Variants in FBXL17 observed in about 807,000 individuals in gnomAD.
FBXL17 encodes F-box and leucine rich repeat protein 17.
A neutral mutation model predicts 66.2 loss-of-function variants in FBXL17; 22 were observed. The ratio of observed to expected loss-of-function variants is 0.33; its 90% CI spans 0.24 to 0.47. The LOEUF (loss-of-function observed/expected upper bound fraction) is 0.47. FBXL17 is among the 20% of genes least tolerant of loss of function. FBXL17 has a pLI of 1.00. For synonymous variants in FBXL17, 474 were observed against 400.5 expected, an observed-to-expected ratio of 1.18 and a Z score of -2.19; for missense variants, 878 against 948.2, an observed-to-expected ratio of 0.93 and a Z score of 0.97.
chr5:108,184,874 G>A (rs987886635), intron 6 of FBXL17, among the ~76,000 whole-genome samples: 1 of 151,596 alleles, frequency 6.6e-6, no homozygotes, highest in African/African-American at 2.4e-5. Flanking sequence ...CTGAAATAGT[G>A]CTTTCTATTT....
At chr5:107,942,788 A>G (rs956286542) in intron 7 of FBXL17, among the ~76,000 whole-genome samples, 2 of 152,044 alleles carry the variant, frequency 1.3e-5, no homozygotes, top group African/African-American at 4.8e-5. Context: ...AAAAAAAAAA[A>G]AAAACCTATC....
intron 6 of FBXL17, among the ~76,000 whole-genome samples, chr5:108,065,914 G>A (rs997980994): frequency 6.6e-5 from 10 of 152,068 alleles, no homozygotes; most frequent in African/African-American, 1.4e-4. Context: ...ACATAGGAAA[G>A]CGATGGTTGT....
At chr5:108,064,263 C>T (rs1748033423) in intron 6 of FBXL17, among the ~76,000 whole-genome samples, 1 of 152,046 alleles carries the variant, frequency 6.6e-6, no homozygotes, top group Non-Finnish European at 1.5e-5. Flanking sequence ...TTTTCTGAGT[C>T]CATCAAGTTT....
chr5:108,348,650 G>T, intron 3 of FBXL17, 120 bp from the exon 4 acceptor site: 4 of 1,002,036 alleles, frequency 4.0e-6, no homozygotes, highest in Non-Finnish European at 5.8e-6. Context: ...TATGTTACTT[G>T]TAAAATAAGA....
At chr5:108,350,974 T>C (rs907496677) in intron 3 of FBXL17, among the ~76,000 whole-genome samples, 2 of 152,156 alleles carry the variant, frequency 1.3e-5, no homozygotes, top group Non-Finnish European at 2.9e-5. Flanking sequence ...ACTAATGCCA[T>C]CACACTTGTA....
rs530764547 is a variant in FBXL17, at chr5:108,334,869, G to A, written c.1506+13530C>T. ...CACGTTAATAGTAAATGAAACCACC[G>A]AAGTCTTACGCGGACCACGACTTAG... On this transcript the variant is annotated intron_variant, in intron 4 of 8. Transcript: ENST00000542267. 3.9e-5 allele frequency among the ~76,000 whole-genome samples: 6 copies of A among 152,250 alleles called. No individual in the cohort carries two copies. The East Asian group carries it at 9.7e-4, about 25-fold the overall frequency.
intron 6 of FBXL17, among the ~76,000 whole-genome samples, chr5:108,104,713 A>G (rs1749725513): frequency 6.6e-6 from 1 of 152,252 alleles, no homozygotes; most frequent in Non-Finnish European, 1.5e-5. Flanking sequence ...TTTGTGACAA[A>G]GCAAGTGCAC....
chr5:107,959,236 G>C (rs1751793355), intron 7 of FBXL17, among the ~76,000 whole-genome samples: 1 of 152,092 alleles, frequency 6.6e-6, no homozygotes, highest in Non-Finnish European at 1.5e-5. Context: ...CCTGGGTCTA[G>C]CAGGGTACAA....
intron 6 of FBXL17, among the ~76,000 whole-genome samples, chr5:108,125,588 C>T (rs762583435): frequency 6.6e-6 from 1 of 151,742 alleles, no homozygotes; most frequent in African/African-American, 2.4e-5. Flanking sequence ...TGGAGGGTGG[C>T]AAGGAAGGAG....
intron 5 of FBXL17, among the ~76,000 whole-genome samples, chr5:108,204,354 C>A (rs1754023482): frequency 1.3e-5 from 2 of 151,998 alleles, no homozygotes. Flanking sequence ...CCAAACCCAG[C>A]TAATTTTTTG....
At chr5:108,199,750 A>G (rs1490430464) in intron 5 of FBXL17, among the ~76,000 whole-genome samples, 3 of 152,184 alleles carry the variant, frequency 2.0e-5, no homozygotes, top group Non-Finnish European at 2.9e-5. Flanking sequence ...ATGTGATTTC[A>G]TGAAAGAAAC....
intron 6 of FBXL17, among the ~76,000 whole-genome samples, chr5:108,076,594 T>C (rs1017076155): frequency 6.6e-6 from 1 of 152,210 alleles, no homozygotes. Context: ...AATATATTTC[T>C]TTGACATATT....
chr5:108,020,208 C>CTTT (rs1754536466), intron 7 of FBXL17, among the ~76,000 whole-genome samples: 2 of 151,902 alleles, frequency 1.3e-5, no homozygotes, highest in South Asian at 4.2e-4. Context: ...ATTTCATTCT[C>CTTT]TTATAAAGCC....
At chr5:107,981,328 A>G (rs1346259160) in intron 7 of FBXL17, among the ~76,000 whole-genome samples, 1 of 152,160 alleles carries the variant, frequency 6.6e-6, no homozygotes, top group Non-Finnish European at 1.5e-5. Context: ...TCAGCCTAAC[A>G]TTTTCTTCTT....
At chr5:108,187,724 G>A (rs1489662983) in intron 5 of FBXL17, among the ~76,000 whole-genome samples, 1 of 152,174 alleles carries the variant, frequency 6.6e-6, no homozygotes. Context: ...CTGTAGGAGT[G>A]AGCAAGAAAA....
chr5:108,025,466 T>G (rs1754765224), intron 6 of FBXL17, among the ~76,000 whole-genome samples: 3 of 151,916 alleles, frequency 2.0e-5, no homozygotes, highest in Admixed American at 6.6e-5. Context: ...GTAAAGTAAT[T>G]GGCAAATAAG....
intron 6 of FBXL17, among the ~76,000 whole-genome samples, chr5:108,129,440 T>C (rs1176581057): frequency 6.6e-6 from 1 of 152,108 alleles, no homozygotes; most frequent in Non-Finnish European, 1.5e-5. Context: ...CCTACCACTA[T>C]CTGTTGAAAA....
chr5:108,244,708 A>C (rs17385914), intron 4 of FBXL17, among the ~76,000 whole-genome samples: 18,576 of 152,216 alleles, frequency 0.12, 1,377 homozygotes, highest in Admixed American at 0.16. Flanking sequence ...TTAGAAACAG[A>C]AATGACAACA....
chr5:108,219,927 CCTTT>C (rs1416292267), intron 5 of FBXL17, among the ~76,000 whole-genome samples: 3 of 66,098 alleles, frequency 4.5e-5, no homozygotes, highest in African/African-American at 2.4e-4. Context: ...TTTACTATTT[CCTTT>C]TTTTTTTTTT....
Sources: gnomAD v4.1 joint callset for allele counts (sites outside exome capture counted in the v4.1 genomes callset) on GRCh38, gnomAD v4.1.1 for gene constraint, MANE v1.5 for transcripts, NCBI Gene and HGNC (gene_info 2026-07-23, HGNC 2026-07-21) for gene names.